The following RCL1 variants were observed in gnomAD, a reference collection of about 807,000 sequenced individuals.
RCL1 encodes RNA 3'-terminal phosphate cyclase-like protein.
A neutral mutation model predicts 42.4 loss-of-function variants in RCL1; 24 were observed. The ratio of observed to expected loss-of-function variants is 0.57; its 90% CI spans 0.41 to 0.80. The LOEUF (loss-of-function observed/expected upper bound fraction) is 0.80. RCL1 is among the 30% of genes least tolerant of loss of function. RCL1 has a pLI of 0.00. For missense variants in RCL1, 578 were observed against 467.9 expected (o/e 1.24, Z -2.17); for synonymous variants, 228 against 177.3 (o/e 1.29, Z -2.27).
intron 8 of RCL1, 136 bp from the exon 9 acceptor site, chr9:4,859,989 A>G (rs1213183998): frequency 1.6e-5 from 9 of 572,402 alleles, no homozygotes; most frequent in Non-Finnish European, 2.6e-5. Flanking sequence ...GTACTATTTA[A>G]TCAGATTCGA....
intron 7 of RCL1, among the ~76,000 whole-genome samples, chr9:4,846,688 A>G (rs1395181383): frequency 3.3e-5 from 5 of 152,006 alleles, no homozygotes; most frequent in South Asian, 2.1e-4. Context: ...CTCTCTAACT[A>G]TGGGGACACT....
At chr9:4,822,305 A>G (rs1816620522) in intron 1 of RCL1, among the ~76,000 whole-genome samples, 3 of 152,198 alleles carry the variant, frequency 2.0e-5, no homozygotes, top group Admixed American at 2.0e-4. Context: ...TAAAAGTGTC[A>G]GGCAGTCACA....
At chr9:4,822,190 G>T (rs950364507) in intron 1 of RCL1, among the ~76,000 whole-genome samples, 8 of 152,236 alleles carry the variant, frequency 5.3e-5, no homozygotes, top group Admixed American at 1.3e-4. Flanking sequence ...AGACTAGGTA[G>T]ATGGGAATTG....
intron 5 of RCL1, among the ~76,000 whole-genome samples, chr9:4,840,357 A>G (rs1008098442): frequency 6.6e-6 from 1 of 152,172 alleles, no homozygotes; most frequent in African/African-American, 2.4e-5. Context: ...AGTTCCAAAT[A>G]TATAGCCATC....
chr9:4,842,760 A>C (rs192569847), intron 6 of RCL1, among the ~76,000 whole-genome samples: 1 of 152,190 alleles, frequency 6.6e-6, no homozygotes, highest in Admixed American at 6.5e-5. Flanking sequence ...TGTGTCAGCT[A>C]TTTTCTGGAG....
chr9:4,815,944 G>C (rs568438905), intron 1 of RCL1, among the ~76,000 whole-genome samples: 1 of 152,088 alleles, frequency 6.6e-6, no homozygotes, highest in African/African-American at 2.4e-5. Context: ...GGATTGGGGT[G>C]ATAGAAGCTT....
chr9:4,802,686 ATATT>A (rs1255014228), intron 1 of RCL1, among the ~76,000 whole-genome samples: 24 of 152,216 alleles, frequency 1.6e-4, no homozygotes, highest in Non-Finnish European at 2.9e-4. Context: ...TTTTTATTAC[ATATT>A]TATTAAGGCA....
intron 1 of RCL1, 77 bp downstream of exon 1, chr9:4,793,304 C>G (rs540920384): frequency 2.1e-6 from 3 of 1,449,188 alleles, no homozygotes; most frequent in African/African-American, 3.0e-5. Flanking sequence ...GGGGCCCGCG[C>G]GGTGTTGGTT....
At chr9:4,810,174 A>AT (rs905554458) in intron 1 of RCL1, among the ~76,000 whole-genome samples, 1 of 152,164 alleles carries the variant, frequency 6.6e-6, no homozygotes, top group Admixed American at 6.5e-5. Flanking sequence ...TTTGTTTTTC[A>AT]TTTTTTTAAG....
chr9:4,808,522 G>T (rs950589765), intron 1 of RCL1, among the ~76,000 whole-genome samples: 1 of 152,062 alleles, frequency 6.6e-6, no homozygotes, highest in Admixed American at 6.6e-5. Context: ...TGCCCAGGCT[G>T]GTCTCGGATC....
chr9:4,800,440 C>T (rs1842981301), intron 1 of RCL1, among the ~76,000 whole-genome samples: 1 of 152,018 alleles, frequency 6.6e-6, no homozygotes, highest in South Asian at 2.1e-4. Flanking sequence ...GTCTCGAACT[C>T]CTGATCTTAG....
At chr9:4,828,726 C>G (rs1816852657) in intron 3 of RCL1, among the ~76,000 whole-genome samples, 1 of 151,902 alleles carries the variant, frequency 6.6e-6, no homozygotes, top group Non-Finnish European at 1.5e-5. Flanking sequence ...TCTATACTTG[C>G]TAATTATCTT....
At chr9:4,858,559 C>T (rs1407208845) in intron 8 of RCL1, among the ~76,000 whole-genome samples, 1 of 152,098 alleles carries the variant, frequency 6.6e-6, no homozygotes, top group African/African-American at 2.4e-5. Context: ...GGAAGGGGCC[C>T]AGCTTCATTC....
At chr9:4,828,162 T>A (rs1324276943) in intron 3 of RCL1, among the ~76,000 whole-genome samples, 1 of 125,728 alleles carries the variant, frequency 8.0e-6, no homozygotes, top group Non-Finnish European at 1.6e-5. Context: ...CGAGACTCCG[T>A]CTCAAAAAAA....
chr9:4,819,056 C>A (rs1816493602), intron 1 of RCL1, among the ~76,000 whole-genome samples: 1 of 151,962 alleles, frequency 6.6e-6, no homozygotes. Context: ...GTTGGAATAT[C>A]TTTGTTTTGT....
intron 3 of RCL1, among the ~76,000 whole-genome samples, chr9:4,830,767 A>C (rs1476826944): frequency 6.6e-6 from 1 of 152,166 alleles, no homozygotes; most frequent in Non-Finnish European, 1.5e-5. Context: ...AGACAAGGTA[A>C]CTGGAGAGCA....
At chr9:4,811,568 C>G (rs548702118) in intron 1 of RCL1, among the ~76,000 whole-genome samples, 87 of 152,242 alleles carry the variant, frequency 5.7e-4, no homozygotes, top group African/African-American at 1.9e-3. Context: ...CTACAAAAGC[C>G]TCTTCATGTT....
chr9:4,842,001 A>T (rs1218437542), intron 6 of RCL1, among the ~76,000 whole-genome samples: 1 of 152,254 alleles, frequency 6.6e-6, no homozygotes, highest in Non-Finnish European at 1.5e-5. Context: ...TTAAAATAGG[A>T]AAGTGTTAAA....
chr9:4,799,117 C>CCTTT (rs1477406972), intron 1 of RCL1, among the ~76,000 whole-genome samples: 2 of 74,058 alleles, frequency 2.7e-5, no homozygotes, highest in Non-Finnish European at 4.7e-5. Flanking sequence ...TCTTTTTCTC[C>CCTTT]CTCCCTTCCT....
Sources: gnomAD v4.1 joint callset for allele counts (sites outside exome capture counted in the v4.1 genomes callset) on GRCh38, gnomAD v4.1.1 for gene constraint, MANE v1.5 for transcripts, NCBI Gene and HGNC (gene_info 2026-07-23, HGNC 2026-07-21) for gene names.